The following MAP3K7 variants were observed in gnomAD, a reference collection of about 807,000 sequenced individuals.
MAP3K7 encodes TGF-beta activated kinase 1.
In MAP3K7, 21 loss-of-function variants were observed where a neutral mutation model predicts 84.8. That is an observed-to-expected ratio of 0.25 (90% CI 0.18 to 0.36). The LOEUF (loss-of-function observed/expected upper bound fraction) is 0.36, where lower values mean the gene tolerates loss of function less well. Among genes scored for constraint, MAP3K7 ranks in the 10% least tolerant of loss-of-function variants. MAP3K7 has a pLI of 1.00. For synonymous variants in MAP3K7, 241 were observed against 247.7 expected, an observed-to-expected ratio of 0.97 and a Z score of 0.25; for missense variants, 503 against 747.7, an observed-to-expected ratio of 0.67 and a Z score of 3.82.
chr6:90,552,627 G>A (rs1176012338), intron 7 of MAP3K7, among the ~76,000 whole-genome samples: 3 of 152,140 alleles, frequency 2.0e-5, no homozygotes, highest in Non-Finnish European at 2.9e-5. Flanking sequence ...TTATAAACAA[G>A]GCATAGAAAT....
At chr6:90,561,704 G>A (rs1378903325) in intron 3 of MAP3K7, 37 bp from the exon 4 acceptor site, 2 of 1,475,164 alleles carry the variant, frequency 1.4e-6, no homozygotes, top group East Asian at 2.3e-5. Flanking sequence ...TAACCAAGAA[G>A]CTCCATCATC....
intron 5 of MAP3K7, 38 bp from the exon 6 acceptor site, chr6:90,556,662 G>T: frequency 6.4e-7 from 1 of 1,554,160 alleles, no homozygotes; most frequent in Non-Finnish European, 8.7e-7. Context: ...AAAGTTACAA[G>T]GCCAACATTT....
In MAP3K7 at chr6:90,516,380, G is replaced by C. The variant is rs1322294575; in HGVS notation, c.*121C>G. On this transcript the variant is annotated 3_prime_UTR_variant, in exon 17 of 17. Transcript: ENST00000369329. ...CAATGAAAAAAATGCAGCAAATATA[G>C]GCAGTTGGCATTCAGAACACGCCAA... 4 of 925,860 alleles carry C rather than the reference G, an allele frequency of 4.3e-6. No homozygotes were observed. Among genetic ancestry groups the C allele is most frequent in the Non-Finnish European group, 6.8e-6 (4 of 591,482 alleles). The allele number at this position is 925,860 out of a possible 1,614,324, so 57.4% of individuals were successfully genotyped here.
intron 1 of MAP3K7, among the ~76,000 whole-genome samples, chr6:90,585,000 C>T (rs536421817): frequency 2.0e-5 from 3 of 152,118 alleles, no homozygotes; most frequent in South Asian, 2.1e-4. Flanking sequence ...TTCTTTTAGC[C>T]ATATGACCTT....
chr6:90,586,999 C>T lies in MAP3K7; in HGVS notation c.-116G>A. ...AGCCTGGAGCCGCGCAGTCCTACTA[C>T]CCGGCGATCCGTGGCGGGGGTAGAG... On this transcript the variant is annotated 5_prime_UTR_variant, in exon 1 of 17. Coordinates refer to ENST00000369329, the MANE Select transcript of MAP3K7 (RefSeq NM_145331.3). 3 of 1,247,032 alleles carry T rather than the reference C, an allele frequency of 2.4e-6. No individual in the cohort carries two copies. Among genetic ancestry groups the T allele is most frequent in the Non-Finnish European group, 3.1e-6 (3 of 954,426 alleles). 77.2% of individuals were successfully genotyped at this position (1,247,032 alleles called of 1,614,324 possible). A position where few individuals can be genotyped will look rare whatever the true frequency, so the allele number is the denominator to read the frequency against.
Position 90,535,552 on chromosome 6 carries a change from T to A in MAP3K7, c.1356+785A>T, listed in dbSNP as rs535191739. 3.9e-5 allele frequency among the ~76,000 whole-genome samples: 6 copies of A among 152,166 alleles called. No individual in the cohort carries two copies. In the East Asian group the frequency reaches 1.2e-3, roughly 29 times the overall value. ...CTGAAAACAAACACCTTATAATTAA[T>A]CTTCATTCATTTTACAGAATATAGT... On this transcript the variant is annotated intron_variant, in intron 13 of 16. Coordinates refer to ENST00000369329, the MANE Select transcript of MAP3K7 (RefSeq NM_145331.3).
intron 1 of MAP3K7, among the ~76,000 whole-genome samples, chr6:90,574,655 G>A (rs533425006): frequency 5.5e-4 from 83 of 152,274 alleles, no homozygotes; most frequent in African/African-American, 1.9e-3. Flanking sequence ...TTTGAGGAAC[G>A]TCCATGCAGG....
chr6:90,579,649 T>C (rs1777203262), intron 1 of MAP3K7, among the ~76,000 whole-genome samples: 1 of 152,226 alleles, frequency 6.6e-6, no homozygotes, highest in Non-Finnish European at 1.5e-5. Context: ...TACTTGACCT[T>C]AGTTAAGTAG....
chr6:90,548,202 A>C (rs1369860362), intron 9 of MAP3K7, 25 bp from the exon 10 acceptor site: 1 of 1,591,956 alleles, frequency 6.3e-7, no homozygotes, highest in Non-Finnish European at 8.5e-7. Flanking sequence ...AACATTTATG[A>C]CTAATGGCTG....
chr6:90,537,621 T>C (rs534620302), intron 12 of MAP3K7, among the ~76,000 whole-genome samples: 2 of 152,170 alleles, frequency 1.3e-5, no homozygotes, highest in East Asian at 3.9e-4. Flanking sequence ...TTTATAATTC[T>C]TTGCATTATC....
intron 13 of MAP3K7, among the ~76,000 whole-genome samples, chr6:90,534,733 T>C (rs1394625851): frequency 6.6e-6 from 1 of 152,080 alleles, no homozygotes; most frequent in African/African-American, 2.4e-5. Flanking sequence ...TATTCTAGAG[T>C]CTACAGAAAA....
In MAP3K7 at chr6:90,548,112, G is replaced by A. The variant is rs1456500923; in HGVS notation, c.1015C>T (p.Pro339Ser). The A allele has an allele frequency of 6.2e-7, 1 of 1,611,970 alleles. No individual in the cohort carries two copies. Among genetic ancestry groups the A allele is most frequent in the Non-Finnish European group, 8.5e-7 (1 of 1,178,844 alleles). ...NKSDTNMEQV[P>S]ATNDTIKRLE... is the part of the protein sequence containing the mutation. The stretch of plus-strand genomic sequence containing the variant: ...CGCTTAATAGTATCATTTGTGGCAG[G>A]AACTTGCTCCATATTAGTGTCACTT... Residue 339 changes from proline to serine, a missense_variant, in exon 10 of 17, where the codon CCT becomes TCT. This residue lies in a region of MAP3K7 where 286 missense variants were observed against 313.6 expected (regional missense o/e 0.91). Coordinates refer to ENST00000369329, the MANE Select transcript of MAP3K7 (RefSeq NM_145331.3).
chr6:90,567,760 A>G (rs1406698621), intron 3 of MAP3K7, among the ~76,000 whole-genome samples: 2 of 152,244 alleles, frequency 1.3e-5, no homozygotes, highest in African/African-American at 4.8e-5. Context: ...AGACACATGG[A>G]CACGTATGTT....
rs1774929077 is a variant in MAP3K7, at chr6:90,515,502, C to T, written c.*999G>A. On this transcript the variant is annotated 3_prime_UTR_variant, in exon 17 of 17. Coordinates refer to ENST00000369329, the MANE Select transcript of MAP3K7 (RefSeq NM_145331.3). ...AGGACACTTGTTGAATTTATATTTG[C>T]TTCTTTAACTTCCTTCTGATTTGCC... The T allele has an allele frequency of 6.6e-6, 1 of 151,840 alleles. No homozygotes were observed. Among genetic ancestry groups the T allele is most frequent in the Non-Finnish European group, 1.5e-5 (1 of 67,884 alleles). 9.4% of individuals were successfully genotyped at this position (151,840 alleles called of 1,614,324 possible). A position where few individuals can be genotyped will look rare whatever the true frequency, so the allele number is the denominator to read the frequency against.
chr6:90,541,741 G>A (rs1313607490), intron 12 of MAP3K7, among the ~76,000 whole-genome samples: 1 of 151,892 alleles, frequency 6.6e-6, no homozygotes, highest in East Asian at 1.9e-4. Context: ...TTTGACTGAT[G>A]GCATAGTATA....
rs751289796 is a variant in MAP3K7, at chr6:90,586,863, G to A, written c.21C>T (p.Ala7=). 3.1e-6 allele frequency: 5 copies of A among 1,610,828 alleles called. No homozygotes were observed. Among genetic ancestry groups the A allele is most frequent in the Non-Finnish European group, 4.2e-6 (5 of 1,178,614 alleles). MSTASA[A]SSSSSSSAGE... is the part of the protein sequence containing the mutation. The stretch of plus-strand genomic sequence containing the variant: ...CGGCCGAAGACGAGGAGGAGGAGGA[G>A]GCGGCAGAGGCTGTAGACATGATCC... The change falls in exon 1 of 17, where the codon GCC becomes GCT. Residue 7 remains alanine, a synonymous_variant. Transcript: ENST00000369329.
At chr6:90,550,797 T>C in intron 8 of MAP3K7, 1 of 329,922 alleles carries the variant, frequency 3.0e-6, no homozygotes. Context: ...TAGAGAAACA[T>C]ATGAAATAAA....
chr6:90,561,597 T>A (rs773803481), intron 4 of MAP3K7, 25 bp downstream of exon 4: 12 of 1,563,592 alleles, frequency 7.7e-6, no homozygotes, highest in Non-Finnish European at 1.1e-5. Context: ...ATCCACTAGA[T>A]AAAGACAGGT....
Position 90,516,539 on chromosome 6 carries a change from T to C in MAP3K7, c.1783A>G (p.Ile595Val). 6.2e-7 allele frequency: 1 copy of C among 1,612,422 alleles called. No individual in the cohort carries two copies. The highest frequency in any genetic ancestry group is 8.5e-7 in the Non-Finnish European group (1 of 1,179,028). ...TGTCGTTTCTGCTGCTGACTTCTGATGACCTCTAGTTGTTTTTTGCATTGC... is the reference window on the plus strand; with the variant it reads ...TGTCGTTTCTGCTGCTGACTTCTGACGACCTCTAGTTGTTTTTTGCATTGC... ...YQQCKKQLEV[I>V]RSQQQKRQGT... Residue 595 changes from isoleucine to valine, a missense_variant, in exon 17 of 17, where the codon ATC (isoleucine) becomes GTC (valine). By Grantham distance (29) the Ile-to-Val change is conservative. This residue lies in a region of MAP3K7 where 43 missense variants were observed against 47.3 expected (regional missense o/e 0.91). Coordinates refer to ENST00000369329, the MANE Select transcript of MAP3K7 (RefSeq NM_145331.3).
Sources: gnomAD v4.1 joint callset for allele counts (sites outside exome capture counted in the v4.1 genomes callset) on GRCh38, gnomAD v4.1.1 for gene constraint, gnomAD v4.1.1 regional missense constraint, MANE v1.5 for transcripts, NCBI Gene and HGNC (gene_info 2026-07-23, HGNC 2026-07-21) for gene names.